Variants in UTRN observed in about 807,000 individuals in gnomAD.
The protein encoded by UTRN is dystrophin-related protein 1.
UTRN carries 283 observed loss-of-function variants against 463.9 expected under a neutral mutation model. The ratio of observed to expected loss-of-function variants is 0.61; its 90% CI spans 0.55 to 0.67. UTRN has a LOEUF of 0.67. Ranked by LOEUF, UTRN falls within the 30% of genes least tolerant of loss-of-function variation. The probability of loss-of-function intolerance (pLI) is 0.00; values close to 1 mark genes in which losing one functional copy is unlikely to be tolerated. For synonymous variants in UTRN, 1,442 were observed against 1,431.5 expected, an observed-to-expected ratio of 1.01 and a Z score of -0.17; for missense variants, 3,922 against 4,084.3, an observed-to-expected ratio of 0.96 and a Z score of 1.08.
chr6:144,447,234 C>T lies in UTRN; in HGVS notation c.1638C>T (p.Thr546=), dbSNP rs138031002. The stretch of plus-strand genomic sequence containing the variant: ...AGTGCTTGTTGAAAGCTTGGTTAAC[C>T]GAAAAAGAAGAGGCTTTAAATAAAG... ...EEQCLLKAWL[T]EKEEALNKVQ... The change falls in exon 15 of 75, where the codon ACC becomes ACT. Residue 546 remains threonine, a synonymous_variant. Transcript: ENST00000367545. 4.3e-4 allele frequency: 699 copies of T among 1,613,584 alleles called. 6 individuals carry two copies. Among genetic ancestry groups the T allele is most frequent in the Middle Eastern group, 1.3e-3 (8 of 6,056 alleles).
intron 52 of UTRN, among the ~76,000 whole-genome samples, chr6:144,695,932 T>C (rs1485194415): frequency 6.6e-6 from 1 of 152,246 alleles, no homozygotes; most frequent in Non-Finnish European, 1.5e-5. Flanking sequence ...TTTATCAGCA[T>C]AATGATGTTT....
chr6:144,295,812 CA>C (rs1355022241), intron 2 of UTRN, among the ~76,000 whole-genome samples: 1 of 152,186 alleles, frequency 6.6e-6, no homozygotes, highest in Non-Finnish European at 1.5e-5. Flanking sequence ...CGCCATTTTG[CA>C]GATGATAAAT....
Position 144,793,920 on chromosome 6 carries a change from C to T in UTRN, c.9007C>T (p.Arg3003Trp), listed in dbSNP as rs201385177. 1.1e-5 allele frequency: 18 copies of T among 1,614,084 alleles called. No homozygotes were observed. The highest frequency in any genetic ancestry group is 1.7e-4 in the Middle Eastern group (1 of 6,060). ...ACTTCATGATGCCATCCAGATCCCC[C>T]GGCAGCTAGGTGAAGTAGCAGCTTT... ...LLLHDAIQIP[R>W]QLGEVAAFGG... The change falls in exon 63 of 75, where the codon CGG becomes TGG. Residue 3003 changes from arginine (R) to tryptophan (W), a missense_variant. Physicochemically the swap from Arg to Trp is moderately radical, Grantham distance 101 (BLOSUM62 -3). Around this residue, in one of 3 missense-constraint regions of UTRN, gnomAD observed 1,309 missense variants for 1,452.6 expected, o/e 0.90. Transcript: ENST00000367545.
intron 51 of UTRN, among the ~76,000 whole-genome samples, chr6:144,607,361 T>C (rs1337674882): frequency 6.6e-6 from 1 of 152,218 alleles, no homozygotes; most frequent in Non-Finnish European, 1.5e-5. Context: ...ATTATATTTT[T>C]AAGGCTATGG....
intron 59 of UTRN, among the ~76,000 whole-genome samples, chr6:144,774,023 C>T (rs1395007169): frequency 2.6e-5 from 4 of 152,244 alleles, no homozygotes; most frequent in African/African-American, 9.6e-5. Flanking sequence ...TCAAAGTACT[C>T]AACCCACCAT....
chr6:144,551,436 C>T (rs1453872418), intron 48 of UTRN, among the ~76,000 whole-genome samples: 1 of 152,166 alleles, frequency 6.6e-6, no homozygotes, highest in Non-Finnish European at 1.5e-5. Flanking sequence ...TCTCATTATA[C>T]TTTATTCTCT....
At chr6:144,683,618 C>A (rs1481042054) in intron 52 of UTRN, among the ~76,000 whole-genome samples, 1 of 152,186 alleles carries the variant, frequency 6.6e-6, no homozygotes, top group Non-Finnish European at 1.5e-5. Flanking sequence ...TCTCCTATGT[C>A]TCAAATATTT....
chr6:144,469,776 A>C (rs1790324317), intron 23 of UTRN, among the ~76,000 whole-genome samples: 1 of 149,402 alleles, frequency 6.7e-6, no homozygotes, highest in African/African-American at 2.5e-5. Flanking sequence ...GTCATAGGAC[A>C]ATAGTGGAGG....
chr6:144,804,751 T>G (rs536966638), intron 65 of UTRN, among the ~76,000 whole-genome samples: 97 of 152,230 alleles, frequency 6.4e-4, no homozygotes, highest in Non-Finnish European at 1.1e-3. Context: ...TTCAAAGAAA[T>G]GGTTTTCAGA....
intron 51 of UTRN, among the ~76,000 whole-genome samples, chr6:144,663,936 C>G (rs1780133639): frequency 6.6e-6 from 1 of 152,116 alleles, no homozygotes; most frequent in African/African-American, 2.4e-5. Context: ...CCCTACTTAG[C>G]AAATATTTGT....
In UTRN at chr6:144,839,188, C is replaced by G. The variant is rs748796090; in HGVS notation, c.10081C>G (p.Arg3361Gly). Reference sequence around the variant, plus strand: ...GTGGTTCCAGCCTGAATCTGATTCCCGAATCAATGGTGTTTCCCCATGGGC... The same window carrying G: ...GTGGTTCCAGCCTGAATCTGATTCCGGAATCAATGGTGTTTCCCCATGGGC... Reference protein sequence around the residue: ...QLLEQPESDSRINGVSPWASP... With the variant: ...QLLEQPESDSGINGVSPWASP... The change falls in exon 72 of 75, where the codon CGA becomes GGA. Residue 3361 changes from arginine (R) to glycine (G), a missense_variant. Around this residue, in one of 3 missense-constraint regions of UTRN, gnomAD observed 1,309 missense variants for 1,452.6 expected, o/e 0.90. Transcript: ENST00000367545. The G allele has an allele frequency of 1.2e-6, 2 of 1,613,768 alleles. No homozygotes were observed. The highest frequency in any genetic ancestry group is 1.7e-6 in the Non-Finnish European group (2 of 1,179,818).
chr6:144,711,386 A>G (rs1261551022), intron 53 of UTRN, among the ~76,000 whole-genome samples: 1 of 152,160 alleles, frequency 6.6e-6, no homozygotes, highest in East Asian at 1.9e-4. Flanking sequence ...GTAAAGTTGA[A>G]TCTTCCCATC....
chr6:144,732,798 A>G (rs1404731055), intron 54 of UTRN, among the ~76,000 whole-genome samples: 1 of 151,992 alleles, frequency 6.6e-6, no homozygotes, highest in African/African-American at 2.4e-5. Flanking sequence ...CTGCACATCA[A>G]CGTCCCAGGA....
At chr6:144,675,851 C>T (rs1781536386) in intron 51 of UTRN, among the ~76,000 whole-genome samples, 1 of 152,204 alleles carries the variant, frequency 6.6e-6, no homozygotes, top group Admixed American at 6.5e-5. Flanking sequence ...TCTCCAGACG[C>T]TGTTCTGTCT....
chr6:144,323,715 C>T (rs1428380537), intron 2 of UTRN, among the ~76,000 whole-genome samples: 3 of 152,058 alleles, frequency 2.0e-5, no homozygotes, highest in Admixed American at 6.6e-5. Context: ...ACATATATCA[C>T]GATATGGGCA....
At chr6:144,732,241 T>TATATATATATATATATATATAC (rs1562832431) in intron 54 of UTRN, among the ~76,000 whole-genome samples, 453 of 23,876 alleles carry the variant, frequency 0.019, 4 homozygotes, top group South Asian at 0.082. Flanking sequence ...TATATATACA[T>TATATATATATATATATATATAC]ATATATATAT....
Position 144,487,663 on chromosome 6 carries a change from C to A in UTRN, c.3938C>A (p.Ala1313Asp), listed in dbSNP as rs776390176. ...LDDIISEKLE[A>D]FNSRYEDLSH... is the part of the protein sequence containing the mutation. Reference sequence around the variant, plus strand: ...GATATAATCAGTGAGAAACTGGAGGCTTTCAACAGCCGATATGAAGATCTA... The same window carrying A: ...GATATAATCAGTGAGAAACTGGAGGATTTCAACAGCCGATATGAAGATCTA... The change falls in exon 29 of 75, where the codon GCT (alanine) becomes GAT (aspartate). Residue 1313 changes from alanine (A) to aspartate (D), a missense_variant. Physicochemically the swap from Ala to Asp is moderately radical, Grantham distance 126. Transcript: ENST00000367545. 1 of 1,612,358 alleles carries A rather than the reference C, an allele frequency of 6.2e-7. No homozygotes were observed. Among genetic ancestry groups the A allele is most frequent in the Non-Finnish European group, 8.5e-7 (1 of 1,179,068 alleles).
chr6:144,401,678 T>C (rs1368987740), intron 2 of UTRN, among the ~76,000 whole-genome samples: 1 of 152,172 alleles, frequency 6.6e-6, no homozygotes, highest in Non-Finnish European at 1.5e-5. Flanking sequence ...GTGCATTTTT[T>C]TTTTTCTGAA....
chr6:144,629,908 G>A (rs1449202314), intron 51 of UTRN, among the ~76,000 whole-genome samples: 3 of 152,188 alleles, frequency 2.0e-5, no homozygotes, highest in East Asian at 3.8e-4. Flanking sequence ...CATTCTGGCC[G>A]GGCGTAGTGG....
Sources: gnomAD v4.1 joint callset for allele counts (sites outside exome capture counted in the v4.1 genomes callset) on GRCh38, gnomAD v4.1.1 for gene constraint, gnomAD v4.1.1 regional missense constraint, MANE v1.5 for transcripts, NCBI Gene and HGNC (gene_info 2026-07-23, HGNC 2026-07-21) for gene names.